MAPK10: variants seen among roughly 807,000 people sequenced by gnomAD.
MAPK10 encodes mitogen-activated protein kinase 10, also known as JNK3 alpha protein kinase.
In MAPK10, 25 loss-of-function variants were observed where a neutral mutation model predicts 59.3. That is an observed-to-expected ratio of 0.42 (90% CI 0.31 to 0.59). The LOEUF (loss-of-function observed/expected upper bound fraction) is 0.59. MAPK10 is among the 20% of genes least tolerant of loss of function. The pLI, the probability that MAPK10 is intolerant of heterozygous loss-of-function variation, is 0.15. For missense variants in MAPK10, 351 were observed against 568.9 expected (o/e 0.62, Z 3.90); for synonymous variants, 190 against 200.5 (o/e 0.95, Z 0.44).
At chr4:86,575,393 G>C (rs561384745) in intron 1 of MAPK10, among the ~76,000 whole-genome samples, 2 of 152,038 alleles carry the variant, frequency 1.3e-5, no homozygotes, top group African/African-American at 4.8e-5. Context: ...CCATCCTATT[G>C]GTTCTGTTTC....
rs909484584 is a variant in MAPK10, at chr4:86,023,480, G to A, written c.1252+5717C>T. 4.6e-5 allele frequency among the ~76,000 whole-genome samples: 7 copies of A among 152,212 alleles called. No homozygotes were observed. In the East Asian group the frequency reaches 1.2e-3, roughly 25 times the overall value. On this transcript the variant is annotated intron_variant, in intron 13 of 13. Transcript: ENST00000641462. ...CAATTTCTGCAAAAAAGACAGCTAT[G>A]ATTTTGATAAGTATTGGCTTAATCT...
intron 1 of MAPK10, among the ~76,000 whole-genome samples, chr4:86,496,648 C>T (rs537551277): frequency 6.6e-6 from 1 of 152,178 alleles, no homozygotes; most frequent in South Asian, 2.1e-4. Flanking sequence ...ATTCTAAGTG[C>T]TTTTTAAGAA....
intron 1 of MAPK10, among the ~76,000 whole-genome samples, chr4:86,396,665 T>C (rs1427010403): frequency 6.6e-6 from 1 of 152,178 alleles, no homozygotes; most frequent in Admixed American, 6.5e-5. Flanking sequence ...GCTCCGCTTC[T>C]GGGAAGGAGC....
In MAPK10 at chr4:86,182,825, C is replaced by T. The variant is rs937633618; in HGVS notation, c.66+11511G>A. ...ATGCTATTTCTAGATTTTTTAAAAA[C>T]GTTATATGCATGCATATTTTCTGTG... is the stretch of plus-strand genomic sequence containing the variant. On this transcript the variant is annotated intron_variant, in intron 3 of 13. Transcript: ENST00000641462. Among the ~76,000 whole-genome samples, 3 of 152,004 alleles carry T rather than the reference C, an allele frequency of 2.0e-5. No individual in the cohort carries two copies. In the South Asian group the frequency reaches 6.2e-4, roughly 32 times the overall value.
chr4:86,296,502 C>T (rs2095364645), intron 2 of MAPK10, among the ~76,000 whole-genome samples: 1 of 152,096 alleles, frequency 6.6e-6, no homozygotes, highest in East Asian at 1.9e-4. Flanking sequence ...TAAAATGGAA[C>T]CAGCAGATAG....
chr4:86,036,430 T>TA (rs35218486), intron 11 of MAPK10, among the ~76,000 whole-genome samples: 42,501 of 145,710 alleles, frequency 0.29, 7,166 homozygotes, highest in East Asian at 0.51. Flanking sequence ...GAGAACTTGA[T>TA]AAAAAAAAAA....
At chr4:86,332,343 T>A (rs901391492) in intron 2 of MAPK10, among the ~76,000 whole-genome samples, 3 of 152,200 alleles carry the variant, frequency 2.0e-5, no homozygotes, top group African/African-American at 4.8e-5. Flanking sequence ...GTTATTTTTT[T>A]AATTATTCTA....
chr4:86,429,315 C>A (rs1447998927), intron 1 of MAPK10, among the ~76,000 whole-genome samples: 1 of 151,912 alleles, frequency 6.6e-6, no homozygotes, highest in African/African-American at 2.4e-5. Flanking sequence ...ATCTGCCTTG[C>A]AGAATTTTAT....
At chr4:86,359,218 A>G (rs1176342346) in intron 1 of MAPK10, among the ~76,000 whole-genome samples, 1 of 149,800 alleles carries the variant, frequency 6.7e-6, no homozygotes, top group Admixed American at 6.7e-5. Context: ...TATGGAACTA[A>G]GGTCAGCACT....
At position 86,379,508 on chromosome 4, in the gene MAPK10, T is replaced by A. The variant is rs538651995; in HGVS notation, c.-121-24864A>T. Among the ~76,000 whole-genome samples, 5 of 152,300 alleles carry A rather than the reference T, an allele frequency of 3.3e-5. No homozygotes were observed. The East Asian group carries it at 7.7e-4, about 24-fold the overall frequency. On this transcript the variant is annotated intron_variant, in intron 1 of 13. Coordinates refer to the MAPK10 transcript ENST00000361569. ...CACTGTGACATGTTTGTGATGGCCA[T>A]GACGCCCACGCTGGAAGGTTGTGGG...
At chr4:86,417,725 A>G (rs1746029348) in intron 1 of MAPK10, among the ~76,000 whole-genome samples, 2 of 152,228 alleles carry the variant, frequency 1.3e-5, no homozygotes, top group Non-Finnish European at 2.9e-5. Flanking sequence ...ACACTTTACA[A>G]GATCCCACTG....
At chr4:86,215,037 C>T (rs946597879) in intron 2 of MAPK10, among the ~76,000 whole-genome samples, 1 of 152,136 alleles carries the variant, frequency 6.6e-6, no homozygotes, top group African/African-American at 2.4e-5. Flanking sequence ...ATAATCAAAA[C>T]TGTGTAGTAC....
At chr4:86,026,740 T>C (rs1750447997) in intron 13 of MAPK10, 4 of 152,138 alleles carry the variant, frequency 2.6e-5, no homozygotes, top group Admixed American at 2.6e-4. Flanking sequence ...TACGTGAACA[T>C]TAATGAAAAA....
intron 2 of MAPK10, among the ~76,000 whole-genome samples, chr4:86,235,759 G>A (rs187639152): frequency 6.6e-6 from 1 of 152,312 alleles, no homozygotes; most frequent in East Asian, 1.9e-4. Flanking sequence ...CCGGGCGCCT[G>A]AGTCAGCTGT....
intron 1 of MAPK10, among the ~76,000 whole-genome samples, chr4:86,550,374 TAAAAAAAAAAAAAA>T (rs753508493): frequency 0.02 from 1,565 of 77,376 alleles, 42 homozygotes; most frequent in African/African-American, 0.026. Flanking sequence ...GAGCTTCAGT[TAAAAAAAAAAAAAA>T]AAAAAAAAAA....
chr4:86,187,752 C>T (rs1368632157), intron 3 of MAPK10, among the ~76,000 whole-genome samples: 2 of 152,094 alleles, frequency 1.3e-5, no homozygotes, highest in Non-Finnish European at 2.9e-5. Context: ...CACCTATTCA[C>T]TTCCATTTCC....
chr4:86,038,936 C>G (rs1461300354), intron 11 of MAPK10, among the ~76,000 whole-genome samples: 1 of 152,040 alleles, frequency 6.6e-6, no homozygotes, highest in East Asian at 1.9e-4. Flanking sequence ...TTCCAATTAC[C>G]AAAAACTTCA....
intron 2 of MAPK10, among the ~76,000 whole-genome samples, chr4:86,200,723 A>G (rs2082425513): frequency 6.6e-6 from 1 of 151,882 alleles, no homozygotes; most frequent in Non-Finnish European, 1.5e-5. Flanking sequence ...TCTAATTTTT[A>G]TGGATACATG....
chr4:86,231,678 A>AAAAAGAG (rs1468243054), intron 2 of MAPK10, among the ~76,000 whole-genome samples: 1 of 152,026 alleles, frequency 6.6e-6, no homozygotes, highest in African/African-American at 2.4e-5. Flanking sequence ...AGAAAAAAGA[A>AAAAAGAG]AAAAGAAAAA....
Sources: allele counts gnomAD v4.1 joint callset (sites outside exome capture counted in the v4.1 genomes callset), GRCh38; gene constraint gnomAD v4.1.1; transcripts MANE v1.5; gene names NCBI Gene and HGNC (gene_info 2026-07-23, HGNC 2026-07-21).